Variants in COL4A5 observed in about 807,000 individuals in gnomAD.
COL4A5 encodes collagen alpha-5(IV) chain.
Under a neutral mutation model 130.2 loss-of-function variants are expected in COL4A5, and 26 were observed. That is an observed-to-expected ratio of 0.20 (90% confidence interval 0.15 to 0.28). The LOEUF (loss-of-function observed/expected upper bound fraction) is 0.28. Ranked by LOEUF, COL4A5 falls within the 10% of genes least tolerant of loss-of-function variation. The pLI, the probability that COL4A5 is intolerant of heterozygous loss-of-function variation, is 1.00. For synonymous variants in COL4A5, 496 were observed against 439.6 expected, an observed-to-expected ratio of 1.13 and a Z score of -1.60; for missense variants, 1,131 against 1,344.3, an observed-to-expected ratio of 0.84 and a Z score of 2.48.
chrX:108,527,085 A>T, intron 1 of COL4A5, among the ~76,000 whole-genome samples: 2 of 110,511 alleles, frequency 1.8e-5, no homozygotes, highest in South Asian at 7.9e-4. Context: ...TGACTTTTTG[A>T]AGAGTCCGTG....
Position 108,601,919 on chromosome X carries a change from A to G in COL4A5, c.2076A>G (p.Pro692=). 8.6e-7 allele frequency: 1 copy of G among 1,163,589 alleles called. No individual in the cohort carries two copies. Among genetic ancestry groups the G allele is most frequent in the South Asian group, 1.9e-5 (1 of 52,855 alleles). The change falls in exon 27 of 53, where the codon CCA becomes CCG. Residue 692 remains proline, a synonymous_variant. Transcript: ENST00000328300. Reference sequence around the variant, plus strand: ...GACTTCCAGGGCAACCAGGCTTGCCAGGGATACCTGGTAGCAAAGGAGAAC... The same window carrying G: ...GACTTCCAGGGCAACCAGGCTTGCCGGGGATACCTGGTAGCAAAGGAGAAC... ...DPGLPGQPGL[P]GIPGSKGEPG...
At position 108,682,116 on chromosome X, in the gene COL4A5, T is replaced by A. The variant is rs28650252; in HGVS notation, c.4216+228T>A. On this transcript the variant is annotated intron_variant, in intron 47 of 52. Transcript: ENST00000328300. ...TGGGCCCCTCCCTGTGTCCATGTGT[T>A]CTCATTGTTCAACTCCCACTTATGA... is the stretch of plus-strand genomic sequence containing the variant. Among the ~76,000 whole-genome samples the A allele has an allele frequency of 0.016, 1,823 of 111,071 alleles. 17 individuals carry two copies. Among genetic ancestry groups the A allele is most frequent in the Middle Eastern group, 0.032 (7 of 217 alleles).
chrX:108,460,416 T>C (rs1471646248), intron 1 of COL4A5, among the ~76,000 whole-genome samples: 1 of 110,492 alleles, frequency 9.1e-6, no homozygotes, highest in Non-Finnish European at 1.9e-5. Flanking sequence ...AGATACTTGA[T>C]AATATGTTGG....
chrX:108,599,397 T>C (rs1044279794), intron 25 of COL4A5, among the ~76,000 whole-genome samples: 1 of 111,842 alleles, frequency 8.9e-6, no homozygotes, highest in Non-Finnish European at 1.9e-5. Flanking sequence ...TATTAACTTT[T>C]CGTGTGGCTA....
chrX:108,588,259 A>G (rs772934013), intron 19 of COL4A5, among the ~76,000 whole-genome samples: 5 of 111,336 alleles, frequency 4.5e-5, no homozygotes, highest in African/African-American at 1.6e-4. Flanking sequence ...TTTTCCTTCA[A>G]AAATACGTGG....
chrX:108,668,993 T>C (rs2068141500), intron 41 of COL4A5, among the ~76,000 whole-genome samples: 1 of 111,880 alleles, frequency 8.9e-6, no homozygotes. Flanking sequence ...AAAAAAATTA[T>C]CTTCTATAGG....
intron 1 of COL4A5, among the ~76,000 whole-genome samples, chrX:108,472,079 T>C (rs1226245843): frequency 8.9e-6 from 1 of 112,070 alleles, no homozygotes; most frequent in Non-Finnish European, 1.9e-5. Context: ...ATTAGTTTTG[T>C]AATTTCTTCT....
intron 36 of COL4A5, among the ~76,000 whole-genome samples, chrX:108,642,977 A>T (rs1460211870): frequency 9.0e-6 from 1 of 111,552 alleles, no homozygotes; most frequent in Non-Finnish European, 1.9e-5. Flanking sequence ...GGCACCAGAG[A>T]AAGGTGAAGC....
At chrX:108,517,667 C>G (rs1256421566) in intron 1 of COL4A5, among the ~76,000 whole-genome samples, 1 of 111,159 alleles carries the variant, frequency 9.0e-6, no homozygotes, top group Non-Finnish European at 1.9e-5. Context: ...ATGCTGTGAT[C>G]CTTACTTATG....
chrX:108,534,348 A>G (rs1443339877), intron 1 of COL4A5, among the ~76,000 whole-genome samples: 3 of 111,974 alleles, frequency 2.7e-5, no homozygotes, highest in Non-Finnish European at 5.7e-5. Context: ...GTGTGTATCA[A>G]CAGGTGAATG....
At chrX:108,559,307 T>C (rs778510882) in intron 3 of COL4A5, among the ~76,000 whole-genome samples, 154 bp downstream of exon 3, 1 of 112,762 alleles carries the variant, frequency 8.9e-6, no homozygotes, top group East Asian at 2.8e-4. Context: ...TACTTTATTG[T>C]ATTTTGTTAA....
At chrX:108,605,965 T>C (rs1415959563) in intron 28 of COL4A5, among the ~76,000 whole-genome samples, 1 of 112,270 alleles carries the variant, frequency 8.9e-6, no homozygotes, top group Non-Finnish European at 1.9e-5. Flanking sequence ...TGTTAAGCTT[T>C]CCTGAGTCAA....
intron 1 of COL4A5, among the ~76,000 whole-genome samples, chrX:108,493,853 T>C (rs1397225917): frequency 9.1e-6 from 1 of 110,023 alleles, no homozygotes; most frequent in Non-Finnish European, 1.9e-5. Flanking sequence ...TTTTAAATGT[T>C]CTTTGACATT....
chrX:108,579,019 C>T (rs953804999), intron 13 of COL4A5, among the ~76,000 whole-genome samples: 2 of 109,802 alleles, frequency 1.8e-5, no homozygotes, highest in East Asian at 5.9e-4. Context: ...AAGATACAGT[C>T]TACATACATA....
chrX:108,655,776 T>C (rs1264960940), intron 37 of COL4A5, among the ~76,000 whole-genome samples: 2 of 112,349 alleles, frequency 1.8e-5, no homozygotes, highest in Non-Finnish European at 3.8e-5. Flanking sequence ...AATATATACT[T>C]CCAAGCCTCT....
chrX:108,476,042 G>T (rs1603251338), intron 1 of COL4A5, among the ~76,000 whole-genome samples: 1 of 110,819 alleles, frequency 9.0e-6, no homozygotes, highest in South Asian at 3.8e-4. Context: ...AGCCCAAAAC[G>T]TCCATAGTGT....
chrX:108,591,049 G>A lies in COL4A5; in HGVS notation c.1166-9G>A, dbSNP rs1324068777. 1 of 1,206,106 alleles carries A rather than the reference G, an allele frequency of 8.3e-7. No homozygotes were observed. Among genetic ancestry groups the A allele is most frequent in the Non-Finnish European group, 1.1e-6 (1 of 892,423 alleles). ...ATGAAATCATTTTGATCACTTTTTTGAATCTTAGGGGCTGCAGTTATGGGT... is the reference window on the plus strand; with the variant it reads ...ATGAAATCATTTTGATCACTTTTTTAAATCTTAGGGGCTGCAGTTATGGGT... On this transcript the variant is annotated splice_polypyrimidine_tract_variant and intron_variant, in intron 19 of 52. Transcript: ENST00000328300.
intron 1 of COL4A5, among the ~76,000 whole-genome samples, chrX:108,539,524 A>AG (rs748687237): frequency 1.8e-5 from 2 of 111,985 alleles, no homozygotes; most frequent in South Asian, 7.4e-4. Context: ...AATTATAAAA[A>AG]TTATGTTTGC....
chrX:108,456,252 T>G (rs1488780900), intron 1 of COL4A5, among the ~76,000 whole-genome samples: 1 of 111,667 alleles, frequency 9.0e-6, no homozygotes. Flanking sequence ...TGCTAAGATG[T>G]AGAGATGTGA....
Sources: gnomAD v4.1 joint callset for allele counts (sites outside exome capture counted in the v4.1 genomes callset) on GRCh38, gnomAD v4.1.1 for gene constraint, MANE v1.5 for transcripts, NCBI Gene and HGNC (gene_info 2026-07-23, HGNC 2026-07-21) for gene names.